The following TTC6 variants were observed in gnomAD, a reference collection of about 807,000 sequenced individuals.
TTC6 encodes the protein tetratricopeptide repeat domain 6.
TTC6 carries 172 observed loss-of-function variants against 210.4 expected under a neutral mutation model. The ratio of observed to expected loss-of-function variants is 0.82; its 90% confidence interval spans 0.72 to 0.93. The LOEUF (loss-of-function observed/expected upper bound fraction) is 0.93, where lower values mean the gene tolerates loss of function less well. Ranked by LOEUF, TTC6 falls within the 40% of genes least tolerant of loss-of-function variation. TTC6 has a pLI of 0.00. For missense variants in TTC6, 2,414 were observed against 2,318.1 expected, an observed-to-expected ratio of 1.04 and a Z score of -0.85; for synonymous variants, 804 against 819.6, an observed-to-expected ratio of 0.98 and a Z score of 0.32.
intron 14 of TTC6, among the ~76,000 whole-genome samples, chr14:37,756,957 C>T (rs1443399591): frequency 6.6e-6 from 1 of 152,084 alleles, no homozygotes; most frequent in Non-Finnish European, 1.5e-5. Flanking sequence ...TGGTAGAATT[C>T]GTCTGTGAAT....
exon 11 of TTC6, chr14:37,749,272 A>C (rs1245321114): frequency 6.6e-7 from 1 of 1,525,734 alleles, no homozygotes; most frequent in Admixed American, 2.0e-5. Flanking sequence ...AATATTATGA[A>C]TCTGAAGTGA....
chr14:37,796,509 T>C (rs1244556250), intron 19 of TTC6, 139 bp downstream of exon 21: 1 of 534,958 alleles, frequency 1.9e-6, no homozygotes, highest in East Asian at 3.4e-5. Context: ...TATATGTACA[T>C]TGCCAATTAG....
At chr14:37,628,001 G>A (rs576724295) in intron 1 of TTC6, among the ~76,000 whole-genome samples, 8 of 152,108 alleles carry the variant, frequency 5.3e-5, no homozygotes, top group African/African-American at 1.2e-4. Context: ...ATGGAGTTTC[G>A]CTCTTGTTGC....
intron 29 of TTC6, among the ~76,000 whole-genome samples, chr14:37,839,408 A>G (rs1169099087): frequency 6.6e-6 from 1 of 152,092 alleles, no homozygotes; most frequent in Non-Finnish European, 1.5e-5. Context: ...GATGATGAGC[A>G]TTTTTTCATA....
intron 29 of TTC6, among the ~76,000 whole-genome samples, chr14:37,834,746 C>A (rs1458306481): frequency 6.6e-6 from 1 of 152,188 alleles, no homozygotes; most frequent in East Asian, 1.9e-4. Flanking sequence ...TTTGCTTTTT[C>A]ATGTTTCTTG....
chr14:37,644,133 G>A (rs1249961796), intron 1 of TTC6, among the ~76,000 whole-genome samples: 2 of 152,138 alleles, frequency 1.3e-5, no homozygotes, highest in African/African-American at 4.8e-5. Flanking sequence ...CAATGAAAGA[G>A]GGAGTAAGAG....
intron 14 of TTC6, among the ~76,000 whole-genome samples, chr14:37,780,936 T>C (rs1385173636): frequency 1.3e-5 from 2 of 152,198 alleles, no homozygotes; most frequent in African/African-American, 4.8e-5. Flanking sequence ...GCTTCATCCA[T>C]GTCCCTGCAA....
In TTC6 at chr14:37,798,336, A is replaced by G. The variant is rs573042637; in HGVS notation, c.4029+1389A>G. ...ATAGATTTTACATATCCATTGCTAAAAGTTTCCTAGTTTTCCAGTTTTTTT... is the reference window on the plus strand; with the variant it reads ...ATAGATTTTACATATCCATTGCTAAGAGTTTCCTAGTTTTCCAGTTTTTTT... On this transcript the variant is annotated intron_variant, in intron 20 of 30. Transcript: ENST00000553443. Among the ~76,000 whole-genome samples the G allele has an allele frequency of 9.5e-4, 145 of 152,052 alleles. 1 individual carries two copies. Among genetic ancestry groups the G allele is most frequent in the African/African-American group, 3.3e-3 (138 of 41,532 alleles).
chr14:37,713,904 A>G (rs144207556), intron 5 of TTC6, among the ~76,000 whole-genome samples: 1 of 152,332 alleles, frequency 6.6e-6, no homozygotes, highest in East Asian at 1.9e-4. Context: ...TAGAGGGAAC[A>G]GTAGCTTTAA....
chr14:37,795,279 T>C (rs756902912), exon 18 of TTC6: 18 of 1,530,202 alleles, frequency 1.2e-5, no homozygotes, highest in African/African-American at 1.4e-5. Context: ...GTTGCATAAA[T>C]TGAAAAAGGC....
At chr14:37,791,494 C>A (rs1420393659) in intron 16 of TTC6, among the ~76,000 whole-genome samples, 1 of 152,136 alleles carries the variant, frequency 6.6e-6, no homozygotes, top group African/African-American at 2.4e-5. Flanking sequence ...AACCAGCAGA[C>A]TGTTTACTTA....
chr14:37,808,809 G>C, exon 24 of TTC6: 2 of 1,540,084 alleles, frequency 1.3e-6, no homozygotes, highest in Non-Finnish European at 1.7e-6. Context: ...TTTTATAACA[G>C]AGCATTATGT....
intron 17 of TTC6, among the ~76,000 whole-genome samples, chr14:37,793,464 C>T (rs913039714): frequency 6.6e-6 from 1 of 152,192 alleles, no homozygotes; most frequent in African/African-American, 2.4e-5. Context: ...GGCTCTGCCT[C>T]CATTATCTAC....
intron 1 of TTC6, among the ~76,000 whole-genome samples, chr14:37,600,627 C>T (rs889980395): frequency 6.6e-6 from 1 of 152,194 alleles, no homozygotes; most frequent in Non-Finnish European, 1.5e-5. Context: ...AATCATATGC[C>T]ATATCCTTCA....
intron 2 of TTC6, among the ~76,000 whole-genome samples, 185 bp downstream of exon 4, chr14:37,680,446 G>C (rs2095780880): frequency 6.6e-6 from 1 of 152,082 alleles, no homozygotes; most frequent in Admixed American, 6.6e-5. Context: ...ACTGTTGCTG[G>C]CTACCATGGA....
intron 1 of TTC6, among the ~76,000 whole-genome samples, chr14:37,676,627 A>C (rs966256193): frequency 1.3e-5 from 2 of 152,042 alleles, no homozygotes; most frequent in African/African-American, 4.8e-5. Flanking sequence ...ATATCTAAGA[A>C]GCTATTGCCA....
intron 8 of TTC6, among the ~76,000 whole-genome samples, chr14:37,736,243 C>T (rs2095901246): frequency 6.6e-6 from 1 of 151,928 alleles, no homozygotes. Context: ...AAAAAATTAG[C>T]TGGATGTGGT....
intron 1 of TTC6, among the ~76,000 whole-genome samples, chr14:37,676,633 T>C (rs1340007841): frequency 3.3e-5 from 5 of 152,136 alleles, no homozygotes; most frequent in African/African-American, 9.6e-5. Flanking sequence ...AAGAAGCTAT[T>C]GCCAAATCCA....
At chr14:37,733,623 C>T (rs1435566773) in intron 7 of TTC6, among the ~76,000 whole-genome samples, 2 of 152,106 alleles carry the variant, frequency 1.3e-5, no homozygotes, top group African/African-American at 2.4e-5. Context: ...TCTGCTTCTC[C>T]TAAACCTGGC....
Sources: gnomAD v4.1 joint callset for allele counts (sites outside exome capture counted in the v4.1 genomes callset) on GRCh38, gnomAD v4.1.1 for gene constraint, MANE v1.5 for transcripts, NCBI Gene and HGNC (gene_info 2026-07-23, HGNC 2026-07-21) for gene names.